The following CFAP54 variants were observed in gnomAD, a reference collection of about 807,000 sequenced individuals.
CFAP54 encodes cilia and flagella associated protein 54.
CFAP54 carries 290 observed loss-of-function variants against 370.4 expected under a neutral mutation model. That is an observed-to-expected ratio of 0.78 (90% CI 0.71 to 0.86). The LOEUF is 0.86. Ranked by LOEUF, CFAP54 falls within the 40% of genes least tolerant of loss-of-function variation. The probability of loss-of-function intolerance (pLI) is 0.00; values close to 1 mark genes in which losing one functional copy is unlikely to be tolerated. For synonymous variants in CFAP54, 1,206 were observed against 1,236.5 expected (o/e 0.98, Z 0.52); for missense variants, 3,399 against 3,528.7 (o/e 0.96, Z 0.93).
chr12:96,746,128 C>G (rs1356016525), intron 55 of CFAP54, among the ~76,000 whole-genome samples: 1 of 152,164 alleles, frequency 6.6e-6, no homozygotes, highest in Non-Finnish European at 1.5e-5. Flanking sequence ...TCCTGGGGAC[C>G]TTGCTTTGGC....
chr12:96,739,861 G>A, intron 50 of CFAP54, 95 bp from the exon 51 acceptor site: 2 of 739,350 alleles, frequency 2.7e-6, no homozygotes, highest in South Asian at 1.9e-5. Context: ...TGGCTGGGGT[G>A]TGAGAATGTT....
At chr12:96,508,587 C>T (rs1363551107) in intron 4 of CFAP54, among the ~76,000 whole-genome samples, 2 of 135,324 alleles carry the variant, frequency 1.5e-5, no homozygotes, top group African/African-American at 5.7e-5. Flanking sequence ...TGCCCGGCCT[C>T]TCAATTTTTT....
At chr12:96,668,399 G>A (rs1244297068) in intron 39 of CFAP54, among the ~76,000 whole-genome samples, 1 of 152,134 alleles carries the variant, frequency 6.6e-6, no homozygotes, top group East Asian at 1.9e-4. Context: ...TCAGTTCCAC[G>A]AGGCCTCACA....
Position 96,724,997 on chromosome 12 carries a change from G to A in CFAP54, c.6965+4432G>A, listed in dbSNP as rs1011637305. 1.7e-3 allele frequency among the ~76,000 whole-genome samples: 265 copies of A among 152,100 alleles called. 1 individual carries two copies. The highest frequency in any genetic ancestry group is 6.0e-3 in the African/African-American group (247 of 41,490). On this transcript the variant is annotated intron_variant, in intron 50 of 67. Coordinates refer to ENST00000524981, the MANE Select transcript of CFAP54 (RefSeq NM_001306084.2). The stretch of plus-strand genomic sequence containing the variant: ...GATCAGATAGTTTTAGATATGTGGC[G>A]TTATTTCTGAGGGCTCTGTTCTGTT...
At chr12:96,717,005 C>T (rs1592722779) in intron 48 of CFAP54, among the ~76,000 whole-genome samples, 1 of 152,144 alleles carries the variant, frequency 6.6e-6, no homozygotes, top group South Asian at 2.1e-4. Flanking sequence ...GAGTGGCAGG[C>T]AGGTAACTAG....
intron 4 of CFAP54, among the ~76,000 whole-genome samples, chr12:96,510,212 C>G (rs1429740719): frequency 6.7e-6 from 1 of 148,502 alleles, no homozygotes; most frequent in Non-Finnish European, 1.5e-5. Flanking sequence ...GAGATCATGC[C>G]ACTTCCCTCC....
chr12:96,741,268 GCAAT>G (rs965620204), intron 51 of CFAP54, among the ~76,000 whole-genome samples: 2 of 151,848 alleles, frequency 1.3e-5, no homozygotes, highest in Non-Finnish European at 2.9e-5. Flanking sequence ...CTGGGTTCAA[GCAAT>G]TCTCCTGACT....
At chr12:96,598,108 A>AAAC (rs1956198065) in intron 25 of CFAP54, among the ~76,000 whole-genome samples, 5 of 151,632 alleles carry the variant, frequency 3.3e-5, no homozygotes, top group Non-Finnish European at 7.4e-5. Context: ...TTGAAAAGCT[A>AAAC]TTCGTCTAGC....
chr12:96,615,778 G>A (rs1159498137), intron 26 of CFAP54, among the ~76,000 whole-genome samples: 2 of 152,138 alleles, frequency 1.3e-5, no homozygotes, highest in Non-Finnish European at 2.9e-5. Flanking sequence ...ATCATCACTG[G>A]CCATCAGAGA....
chr12:96,869,216 T>A (rs962347104), intron 67 of CFAP54, among the ~76,000 whole-genome samples: 4 of 152,250 alleles, frequency 2.6e-5, no homozygotes, highest in Admixed American at 1.3e-4. Flanking sequence ...TTAATTTTTG[T>A]TCGAGGAAAA....
At chr12:96,679,048 A>T (rs1592704712) in intron 39 of CFAP54, among the ~76,000 whole-genome samples, 1 of 151,822 alleles carries the variant, frequency 6.6e-6, no homozygotes, top group Non-Finnish European at 1.5e-5. Flanking sequence ...CCTCGAAGCA[A>T]CTCTCTCCCA....
rs559750468 is a variant in CFAP54, at chr12:96,856,393, A to C, written c.9172-4426A>C. Among the ~76,000 whole-genome samples, 4 of 152,148 alleles carry C rather than the reference A, an allele frequency of 2.6e-5. No homozygotes were observed. The South Asian group carries it at 8.3e-4, about 32-fold the overall frequency. ...TTTTCTATTGCATTGTCAGGCTGCA[A>C]ATTTTCCAAACTTTTATGCTCTGCT... On this transcript the variant is annotated intron_variant, in intron 66 of 67. Transcript: ENST00000524981.
rs555500327 is a variant in CFAP54, at chr12:96,816,176, T to G, written c.8958-1599T>G. ...GGCAGTATGGCCATTTTCACGATATTGATTCTTCCTATCCATGATCATGGA... is the reference window on the plus strand; with the variant it reads ...GGCAGTATGGCCATTTTCACGATATGGATTCTTCCTATCCATGATCATGGA... On this transcript the variant is annotated intron_variant, in intron 64 of 67. Coordinates refer to ENST00000524981, the MANE Select transcript of CFAP54 (RefSeq NM_001306084.2). 7.4e-4 allele frequency among the ~76,000 whole-genome samples: 112 copies of G among 152,332 alleles called. 1 individual carries two copies. The highest frequency in any genetic ancestry group is 2.4e-3 in the African/African-American group (99 of 41,578).
At chr12:96,648,377 A>G (rs1339056901) in intron 34 of CFAP54, among the ~76,000 whole-genome samples, 2 of 152,146 alleles carry the variant, frequency 1.3e-5, no homozygotes, top group Non-Finnish European at 2.9e-5. Context: ...TAAGTTCCCA[A>G]GCAAAATCCA....
chr12:96,872,251 T>C (rs556498029), intron 67 of CFAP54, among the ~76,000 whole-genome samples: 2 of 152,276 alleles, frequency 1.3e-5, no homozygotes, highest in South Asian at 2.1e-4. Flanking sequence ...ATCAGAAACA[T>C]TGGAGACCAA....
At chr12:96,535,439 G>A (rs1236909783) in intron 11 of CFAP54, 76 bp from the exon 12 acceptor site, 2 of 853,938 alleles carry the variant, frequency 2.3e-6, no homozygotes, top group Middle Eastern at 2.2e-4. Flanking sequence ...TAGCATATTT[G>A]TGTTTCTGTG....
Position 96,757,591 on chromosome 12 carries a change from A to G in CFAP54, c.8040+3A>G. On this transcript the variant is annotated splice_donor_region_variant and intron_variant, in intron 58 of 67. Coordinates refer to ENST00000524981, the MANE Select transcript of CFAP54 (RefSeq NM_001306084.2). ...CAGGATCACCATTAACACTTAAGGT[A>G]AGAGTCTATTTTATTAGAAATTATG... is the stretch of plus-strand genomic sequence containing the variant. The G allele has an allele frequency of 6.5e-7, 1 of 1,537,602 alleles. No homozygotes were observed. Among genetic ancestry groups the G allele is most frequent in the Non-Finnish European group, 8.9e-7 (1 of 1,119,808 alleles).
At chr12:96,521,705 A>G (rs1379366297) in intron 6 of CFAP54, among the ~76,000 whole-genome samples, 152 bp from the exon 7 acceptor site, 1 of 152,264 alleles carries the variant, frequency 6.6e-6, no homozygotes, top group Non-Finnish European at 1.5e-5. Context: ...TGGTTCTTAA[A>G]TAAAATGATA....
chr12:96,679,717 G>A lies in CFAP54; in HGVS notation c.5681G>A (p.Arg1894Lys). The change falls in exon 40 of 68, where the codon AGA becomes AAA. Residue 1894 changes from arginine to lysine, a missense_variant. Transcript: ENST00000524981. ...CATAACAGATCAATCCGACACAGCA[G>A]AAAGTTGCTTTCATTATTTCTTGCA... The part of the protein sequence containing the change: ...KYHNRSIRHS[R>K]KLLSLFLAQT... 6.2e-7 allele frequency: 1 copy of A among 1,613,168 alleles called. No homozygotes were observed. The highest frequency in any genetic ancestry group is 1.7e-5 in the Admixed American group (1 of 59,904).
Sources: gnomAD v4.1 joint callset for allele counts (sites outside exome capture counted in the v4.1 genomes callset) on GRCh38, gnomAD v4.1.1 for gene constraint, MANE v1.5 for transcripts, NCBI Gene and HGNC (gene_info 2026-07-23, HGNC 2026-07-21) for gene names.